DYSF: variants seen among roughly 807,000 people sequenced by gnomAD.
DYSF encodes dystrophy-associated fer-1-like 1.
In DYSF, 212 loss-of-function variants were observed where a neutral mutation model predicts 274.9. That is an observed-to-expected ratio of 0.77 (90% CI 0.69 to 0.86). The LOEUF is 0.86. Ranked by LOEUF, DYSF falls within the 40% of genes least tolerant of loss-of-function variation. The pLI is 0.00. For missense variants in DYSF, 2,666 were observed against 2,783.2 expected, an observed-to-expected ratio of 0.96 and a Z score of 0.95; for synonymous variants, 1,091 against 1,078.7, an observed-to-expected ratio of 1.01 and a Z score of -0.22.
chr2:71,520,714 T>C (rs1270032255), intron 11 of DYSF, 75 bp from the exon 12 acceptor site: 1 of 1,334,386 alleles, frequency 7.5e-7, no homozygotes, highest in Non-Finnish European at 1.1e-6. Flanking sequence ...GTGCAGTCCA[T>C]CCTGGGTTCC....
Position 71,520,223 on chromosome 2 carries a change from C to T in DYSF, c.1033+15C>T, listed in dbSNP as rs201951971. On this transcript the variant is annotated intron_variant, in intron 11 of 55. Transcript: ENST00000410020. ...CAGAGAGCCCCGTGAGTTCTCACCA[C>T]TTTGGCCGTATCCTTGCATTTTGGT... 1.9e-6 allele frequency: 3 copies of T among 1,614,144 alleles called. No individual in the cohort carries two copies. The East Asian group carries it at 6.7e-5, about 36-fold the overall frequency.
intron 13 of DYSF, among the ~76,000 whole-genome samples, chr2:71,527,765 A>G (rs1427806096): frequency 6.6e-6 from 1 of 152,224 alleles, no homozygotes; most frequent in Admixed American, 6.5e-5. Flanking sequence ...GTATACACAT[A>G]AACATATCTA....
chr2:71,673,963 G>A (rs1558799306), intron 51 of DYSF, among the ~76,000 whole-genome samples: 1 of 152,146 alleles, frequency 6.6e-6, no homozygotes, highest in Non-Finnish European at 1.5e-5. Context: ...GAGTTGGGAG[G>A]ATTAATGGAG....
In DYSF at chr2:71,612,713, C is replaced by T. The variant is rs774011358; in HGVS notation, c.4294C>T (p.Arg1432Trp). The change falls in exon 39 of 56, where the codon CGG (arginine) becomes TGG (tryptophan). Residue 1432 changes from arginine to tryptophan, a missense_variant. By Grantham distance (101) the Arg-to-Trp change is moderately radical. Around this residue, in one of 3 missense-constraint regions of DYSF, gnomAD observed 1,460 missense variants for 1,502.1 expected, o/e 0.97. Transcript: ENST00000410020. ...CATCGATAACCGCCAGTTTGGCCGC[C>T]GGCCTGTGGTGGGCCAGTGTACCAT... ...KVIDNRQFGR[R>W]PVVGQCTIRS... 36 of 1,614,062 alleles carry T rather than the reference C, an allele frequency of 2.2e-5. No homozygotes were observed. Among genetic ancestry groups the T allele is most frequent in the African/African-American group, 6.7e-5 (5 of 74,928 alleles).
intron 12 of DYSF, among the ~76,000 whole-genome samples, chr2:71,523,656 C>T (rs918884013): frequency 6.6e-6 from 1 of 151,628 alleles, no homozygotes; most frequent in African/African-American, 2.4e-5. Context: ...AAGTGATTCT[C>T]CTGCCTCAGC....
intron 30 of DYSF, among the ~76,000 whole-genome samples, chr2:71,578,052 A>G (rs2092770797): frequency 6.6e-6 from 1 of 152,182 alleles, no homozygotes; most frequent in East Asian, 1.9e-4. Context: ...TCCCAGGGCC[A>G]TTTTAAGGAT....
At chr2:71,539,284 C>T (rs1436525711) in intron 17 of DYSF, 45 bp downstream of exon 17, 8 of 1,534,378 alleles carry the variant, frequency 5.2e-6, no homozygotes, top group Non-Finnish European at 7.2e-6. Flanking sequence ...TGTGCTCTCC[C>T]CCGTACCCCC....
At chr2:71,638,393 T>G in intron 41 of DYSF, among the ~76,000 whole-genome samples, 1 of 151,478 alleles carries the variant, frequency 6.6e-6, no homozygotes, top group Non-Finnish European at 1.5e-5. Context: ...TGAAGAGCAT[T>G]TATTCCTCAC....
chr2:71,491,662 G>C (rs150515915), intron 3 of DYSF, among the ~76,000 whole-genome samples: 2 of 152,300 alleles, frequency 1.3e-5, no homozygotes, highest in African/African-American at 4.8e-5. Flanking sequence ...GAACATTTGG[G>C]ATTTGGTTGT....
At chr2:71,570,502 G>A (rs912547100) in intron 28 of DYSF, 97 bp from the exon 29 acceptor site, 82 of 1,539,248 alleles carry the variant, frequency 5.3e-5, no homozygotes, top group Non-Finnish European at 6.5e-5. Context: ...GTCAGTGGCC[G>A]CTCAAGAGTC....
chr2:71,675,117 G>A (rs978217559), intron 52 of DYSF, among the ~76,000 whole-genome samples: 4 of 152,008 alleles, frequency 2.6e-5, no homozygotes, highest in South Asian at 4.2e-4. Flanking sequence ...CCATAGAGAC[G>A]GAAAATAGGT....
intron 30 of DYSF, among the ~76,000 whole-genome samples, chr2:71,575,999 C>G (rs11681194): frequency 0.25 from 38,213 of 152,170 alleles, 4,961 homozygotes; most frequent in East Asian, 0.36. Flanking sequence ...GTAGCCCAGC[C>G]CACAGCGCCA....
chr2:71,660,608 C>T lies in DYSF; in HGVS notation c.4960C>T (p.Gln1654Ter). Residue 1654 changes from glutamine (Q) to a stop codon, truncating the protein, a stop_gained, in exon 45 of 56, where the codon CAG becomes TAG. Transcript: ENST00000410020. LOFTEE classifies it high-confidence loss of function. ...ISIGKKSVSD[Q>*]DNYIPCTLEP... The stretch of plus-strand genomic sequence containing the variant: ...CATAGGGAAGAAATCAGTGAGTGAC[C>T]AGGATAACTACATCCCCTGCACGCT... The T allele has an allele frequency of 6.2e-7, 1 of 1,614,146 alleles. No homozygotes were observed. The highest frequency in any genetic ancestry group is 1.3e-5 in the African/African-American group (1 of 75,050).
At chr2:71,480,542 A>G (rs974886211) in intron 1 of DYSF, among the ~76,000 whole-genome samples, 2 of 152,200 alleles carry the variant, frequency 1.3e-5, no homozygotes, top group Non-Finnish European at 2.9e-5. Context: ...CAACAGAGTG[A>G]GATGCTGTCT....
chr2:71,474,449 A>T (rs2082255548), intron 1 of DYSF, among the ~76,000 whole-genome samples: 1 of 152,220 alleles, frequency 6.6e-6, no homozygotes, highest in African/African-American at 2.4e-5. Context: ...CTTCTGTTAA[A>T]TTACATGCAT....
intron 41 of DYSF, among the ~76,000 whole-genome samples, chr2:71,630,816 C>T (rs573556892): frequency 4.6e-5 from 7 of 152,294 alleles, no homozygotes; most frequent in Non-Finnish European, 1.0e-4. Context: ...GGTGTGGACA[C>T]CTGTCAGTGT....
chr2:71,524,700 TC>T (rs1329947131), intron 12 of DYSF, among the ~76,000 whole-genome samples: 2 of 152,216 alleles, frequency 1.3e-5, no homozygotes. Context: ...TTTTGTCTGT[TC>T]CTCCAGCTGC....
chr2:71,568,295 G>A lies in DYSF; in HGVS notation c.2821G>A (p.Gly941Ser), dbSNP rs747089235. 20 of 1,614,082 alleles carry A rather than the reference G, an allele frequency of 1.2e-5. No individual in the cohort carries two copies. In the East Asian group the frequency reaches 2.7e-4, roughly 22 times the overall value. The change falls in exon 26 of 56, where the codon GGC becomes AGC. Residue 941 changes from glycine (G) to serine (S), a missense_variant. By Grantham distance (56) the Gly-to-Ser change is moderately conservative. This residue lies in a region of DYSF where 412 missense variants were observed against 504.0 expected (regional missense o/e 0.82). Transcript: ENST00000410020. Reference protein sequence around the residue: ...LPKDSFRPSAGWTWAGDWFVC... With the variant: ...LPKDSFRPSASWTWAGDWFVC... ...CAAGGACAGCTTCCGCCCCTCGGCC[G>A]GCTGGACCTGGGCTGGAGATTGGTT...
intron 17 of DYSF, among the ~76,000 whole-genome samples, chr2:71,544,803 A>G (rs1182103406): frequency 6.6e-6 from 1 of 152,144 alleles, no homozygotes; most frequent in African/African-American, 2.4e-5. Flanking sequence ...CCGTAAATGT[A>G]GGCAGCTATC....
Sources: gnomAD v4.1 joint callset for allele counts (sites outside exome capture counted in the v4.1 genomes callset) on GRCh38, gnomAD v4.1.1 for gene constraint, gnomAD v4.1.1 regional missense constraint, MANE v1.5 for transcripts, NCBI Gene and HGNC (gene_info 2026-07-23, HGNC 2026-07-21) for gene names.